DNAAF4: variants seen among roughly 807,000 people sequenced by gnomAD.
DNAAF4 encodes the protein dynein axonemal assembly factor 4.
Under a neutral mutation model 51.8 loss-of-function variants are expected in DNAAF4, and 43 were observed. The ratio of observed to expected loss-of-function variants is 0.83; its 90% confidence interval spans 0.65 to 1.07. The LOEUF is 1.07. DNAAF4 is among the 50% of genes least tolerant of loss of function. The pLI is 0.00. For missense variants in DNAAF4, 581 were observed against 493.0 expected (o/e 1.18, Z -1.69); for synonymous variants, 194 against 165.6 (o/e 1.17, Z -1.32).
intron 4 of DNAAF4, among the ~76,000 whole-genome samples, chr15:55,477,658 GTGTA>G (rs1032571134): frequency 2.2e-4 from 18 of 80,166 alleles, no homozygotes; most frequent in Admixed American, 6.2e-4. Context: ...GCGTGTGTGT[GTGTA>G]TATATATATA....
At chr15:55,469,543 C>T (rs1211607358) in intron 4 of DNAAF4, among the ~76,000 whole-genome samples, 5 of 113,122 alleles carry the variant, frequency 4.4e-5, no homozygotes, top group East Asian at 3.2e-4. Context: ...AGTGCAGTGG[C>T]GCAATCTCGG....
intron 8 of DNAAF4, among the ~76,000 whole-genome samples, chr15:55,434,581 C>A (rs577319239): frequency 1.2e-4 from 19 of 152,040 alleles, no homozygotes; most frequent in Middle Eastern, 3.4e-3. Flanking sequence ...GTCTGTAATC[C>A]CAGCTCTCAG....
At chr15:55,484,524 T>C (rs2058460069) in intron 4 of DNAAF4, among the ~76,000 whole-genome samples, 1 of 151,532 alleles carries the variant, frequency 6.6e-6, no homozygotes, top group Admixed American at 6.6e-5. Context: ...CATTACCATA[T>C]GATCTGCTAT....
In DNAAF4 at chr15:55,421,326, C is replaced by A. The variant is rs141895245; in HGVS notation, c.1048-3193G>T. Among the ~76,000 whole-genome samples the A allele has an allele frequency of 3.2e-3, 491 of 151,872 alleles. 3 individuals are homozygous for A. The highest frequency in any genetic ancestry group is 0.011 in the African/African-American group (463 of 41,384). Reference sequence around the variant, plus strand: ...GGCAAGCCTGGGCAACATGGTGAGACCACATCTCTACTAAAAATACAAAAT... The same window carrying A: ...GGCAAGCCTGGGCAACATGGTGAGAACACATCTCTACTAAAAATACAAAAT... On this transcript the variant is annotated intron_variant, in intron 7 of 7. Coordinates refer to the DNAAF4 transcript ENST00000448430.
intron 7 of DNAAF4, 33 bp from the exon 8 acceptor site, chr15:55,435,091 T>G: frequency 6.4e-7 from 1 of 1,560,036 alleles, no homozygotes; most frequent in Non-Finnish European, 8.6e-7. Context: ...GAAAAACAAT[T>G]TAACATTGAA....
intron 4 of DNAAF4, among the ~76,000 whole-genome samples, chr15:55,468,391 A>T (rs1456628385): frequency 6.6e-6 from 1 of 152,230 alleles, no homozygotes; most frequent in Non-Finnish European, 1.5e-5. Flanking sequence ...CTGTAGTCCC[A>T]ATTTTACCTC....
At chr15:55,440,437 G>T (rs1255814303) in intron 6 of DNAAF4, among the ~76,000 whole-genome samples, 3 of 151,706 alleles carry the variant, frequency 2.0e-5, no homozygotes, top group Non-Finnish European at 4.4e-5. Context: ...GGAGTGCAGT[G>T]GTGCGATCTC....
chr15:55,505,875 C>T (rs1300321888), intron 1 of DNAAF4, among the ~76,000 whole-genome samples: 1 of 152,140 alleles, frequency 6.6e-6, no homozygotes, highest in Non-Finnish European at 1.5e-5. Flanking sequence ...ATGTAACAAA[C>T]CTGCACGTTG....
intron 4 of DNAAF4, among the ~76,000 whole-genome samples, chr15:55,483,390 T>C (rs28852145): frequency 1.4e-3 from 208 of 149,902 alleles, no homozygotes; most frequent in African/African-American, 4.9e-3. Context: ...CCACCATGCC[T>C]GGCCAATAGG....
chr15:55,427,605 A>G (rs1176520587), downstream of DNAAF4, among the ~76,000 whole-genome samples: 1 of 151,254 alleles, frequency 6.6e-6, no homozygotes, highest in Non-Finnish European at 1.5e-5. Context: ...CAGTTTAGGG[A>G]GGGTCAGAAT....
Position 55,462,185 on chromosome 15 carries a change from G to A in DNAAF4, c.637+4745C>T, listed in dbSNP as rs536750919. On this transcript the variant is annotated intron_variant, in intron 5 of 9. Transcript: ENST00000321149. ...ACTAAAAAAAGTCCAGGACCAGATG[G>A]ATTCACAGCTGGTTTTTTTTTTTTA... Among the ~76,000 whole-genome samples, 11 of 151,888 alleles carry A rather than the reference G, an allele frequency of 7.2e-5. No homozygotes were observed. The South Asian group carries it at 2.3e-3, about 31-fold the overall frequency.
intron 4 of DNAAF4, among the ~76,000 whole-genome samples, chr15:55,473,884 C>T (rs980930813): frequency 2.0e-5 from 3 of 151,990 alleles, no homozygotes; most frequent in South Asian, 2.1e-4. Context: ...CCCAGCTACT[C>T]GGGAAGCTGA....
chr15:55,444,256 A>C (rs1420599583), intron 6 of DNAAF4, among the ~76,000 whole-genome samples: 1 of 152,200 alleles, frequency 6.6e-6, no homozygotes, highest in South Asian at 2.1e-4. Flanking sequence ...TCAGCTTTCT[A>C]CATATGGCTA....
intron 4 of DNAAF4, among the ~76,000 whole-genome samples, chr15:55,469,610 G>A (rs181036337): frequency 7.9e-4 from 113 of 142,592 alleles, no homozygotes; most frequent in African/African-American, 2.7e-3. Context: ...AGCCTCCCGA[G>A]TAGCTGGAAC....
intron 3 of DNAAF4, among the ~76,000 whole-genome samples, chr15:55,495,629 GGA>G: frequency 6.6e-6 from 1 of 152,302 alleles, no homozygotes; most frequent in Middle Eastern, 3.4e-3. Context: ...CTGCTACTCA[GGA>G]GGTCGAGGCA....
intron 6 of DNAAF4, among the ~76,000 whole-genome samples, chr15:55,447,876 G>A (rs192241375): frequency 0.013 from 1,888 of 143,980 alleles, 195 homozygotes; most frequent in South Asian, 0.019. Context: ...GAGGGGAGAG[G>A]GGAGAGGGGA....
At chr15:55,443,320 C>G in intron 6 of DNAAF4, 1 of 1,170,652 alleles carries the variant, frequency 8.5e-7, no homozygotes, top group South Asian at 1.3e-5. Context: ...GCAAAGGGCC[C>G]CCAGCGTGCG....
At chr15:55,445,822 C>T (rs1255465586) in intron 6 of DNAAF4, among the ~76,000 whole-genome samples, 2 of 140,762 alleles carry the variant, frequency 1.4e-5, no homozygotes, top group Non-Finnish European at 1.5e-5. Context: ...GGCGGCCGGG[C>T]AGAGGCGCTC....
intron 6 of DNAAF4, among the ~76,000 whole-genome samples, chr15:55,441,544 C>G (rs1425507716): frequency 2.6e-5 from 4 of 151,934 alleles, no homozygotes; most frequent in African/African-American, 7.3e-5. Context: ...GGTGTATCTC[C>G]TAATGCTATC....
Sources: gnomAD v4.1 joint callset for allele counts (sites outside exome capture counted in the v4.1 genomes callset) on GRCh38, gnomAD v4.1.1 for gene constraint, MANE v1.5 for transcripts, NCBI Gene and HGNC (gene_info 2026-07-23, HGNC 2026-07-21) for gene names.